HLF: variants seen among roughly 807,000 people sequenced by gnomAD.
HLF encodes hepatic leukemia factor.
In HLF, 3 loss-of-function variants were observed where a neutral mutation model predicts 22.6. The ratio of observed to expected loss-of-function variants is 0.13; its 90% CI spans 0.06 to 0.34. The LOEUF (loss-of-function observed/expected upper bound fraction) is 0.34. Among genes scored for constraint, HLF ranks in the 10% least tolerant of loss-of-function variants. The pLI is 1.00. For missense variants in HLF, 299 were observed against 389.2 expected (o/e 0.77, Z 1.95); for synonymous variants, 151 against 151.8 (o/e 0.99, Z 0.04).
Position 55,265,482 on chromosome 17 carries a change from G to T in HLF, c.-3G>T. On this transcript the variant is annotated 5_prime_UTR_variant, in exon 1 of 4. Transcript: ENST00000226067. The stretch of plus-strand genomic sequence containing the variant: ...TAAGGGGAAAAAATTTGAGTGCATC[G>T]CGATGGAGAAAATGTCCCGACCGCT... 1 of 1,573,360 alleles carries T rather than the reference G, an allele frequency of 6.4e-7. No homozygotes were observed. The highest frequency in any genetic ancestry group is 1.4e-5 in the African/African-American group (1 of 73,452).
chr17:55,303,206 T>C (rs1904382073), intron 2 of HLF, among the ~76,000 whole-genome samples: 1 of 152,162 alleles, frequency 6.6e-6, no homozygotes, highest in African/African-American at 2.4e-5. Flanking sequence ...GCCTGTCCTC[T>C]AGTGTGTAGA....
chr17:55,278,554 T>TG (rs200696924), intron 2 of HLF, among the ~76,000 whole-genome samples: 1,568 of 152,306 alleles, frequency 0.01, 15 homozygotes, highest in Non-Finnish European at 0.017. Flanking sequence ...AAGGTTTGTT[T>TG]GGGGGAAGGA....
At chr17:55,271,463 C>A (rs904824497) in intron 2 of HLF, 2 of 152,198 alleles carry the variant, frequency 1.3e-5, no homozygotes, top group Admixed American at 1.3e-4. Flanking sequence ...ATTTCTAGGT[C>A]TACCCCAAGG....
intron 2 of HLF, among the ~76,000 whole-genome samples, chr17:55,296,627 A>G (rs1455263825): frequency 2.0e-5 from 3 of 152,196 alleles, no homozygotes; most frequent in Non-Finnish European, 2.9e-5. Flanking sequence ...TGATCTGGAT[A>G]TGCTATAATT....
chr17:55,268,470 C>A (rs1277546515), intron 2 of HLF, among the ~76,000 whole-genome samples: 1 of 152,186 alleles, frequency 6.6e-6, no homozygotes, highest in Non-Finnish European at 1.5e-5. Context: ...TCTTGTATCT[C>A]TTTTCCTCAT....
At chr17:55,308,067 T>C (rs1196149930) in intron 2 of HLF, among the ~76,000 whole-genome samples, 2 of 152,086 alleles carry the variant, frequency 1.3e-5, no homozygotes, top group Admixed American at 6.6e-5. Context: ...TGTGGCCAAG[T>C]GTGTGAGTGA....
rs763345433 is a variant in HLF, at chr17:55,265,580, C to T, written c.96C>T (p.Leu32=). Residue 32 remains leucine, a synonymous_variant, in exon 1 of 4, where the codon CTC becomes CTT. Coordinates refer to ENST00000226067, the MANE Select transcript of HLF (RefSeq NM_002126.5). ...CCCTGCTGGAGAACCCGCTGAAGCT[C>T]CCCCTTCACCACGAAGACGGTGAGC... is the stretch of plus-strand genomic sequence containing the variant. The part of the protein sequence containing the change: ...LRSLLENPLK[L]PLHHEDAFSK... 4 of 1,599,892 alleles carry T rather than the reference C, an allele frequency of 2.5e-6. No individual in the cohort carries two copies. The highest frequency in any genetic ancestry group is 2.2e-5 in the South Asian group (2 of 90,052).
At position 55,322,323 on chromosome 17, in the gene HLF, C is replaced by A. The variant is rs1038404454; in HGVS notation, c.*1444C>A. 1.0e-5 allele frequency: 2 copies of A among 192,308 alleles called. No homozygotes were observed. Among genetic ancestry groups the A allele is most frequent in the African/African-American group, 2.3e-5 (1 of 43,006 alleles). 11.9% of individuals were successfully genotyped at this position (192,308 alleles called of 1,614,324 possible). ...TTATACAGAGTAATTATAGGAAGTT[C>A]TTTTTTGTACAGTATTTTTCAGATA... On this transcript the variant is annotated 3_prime_UTR_variant, in exon 4 of 4. Coordinates refer to ENST00000226067, the MANE Select transcript of HLF (RefSeq NM_002126.5).
chr17:55,279,385 C>T (rs559108223), intron 2 of HLF, among the ~76,000 whole-genome samples: 1 of 152,204 alleles, frequency 6.6e-6, no homozygotes, highest in South Asian at 2.1e-4. Context: ...ATTTTATGAT[C>T]ATTTTATCTT....
In HLF at chr17:55,267,949, A is replaced by C; in HGVS notation, c.314A>C (p.Asp105Ala). 6.2e-7 allele frequency: 1 copy of C among 1,614,056 alleles called. No individual in the cohort carries two copies. Among genetic ancestry groups the C allele is most frequent in the Non-Finnish European group, 8.5e-7 (1 of 1,179,990 alleles). The change falls in exon 2 of 4, where the codon GAC (aspartate) becomes GCC (alanine). Residue 105 changes from aspartate (D) to alanine (A), a missense_variant. Coordinates refer to ENST00000226067, the MANE Select transcript of HLF (RefSeq NM_002126.5). ...ATTCCCCCCAGCCCATCTCAGCATG[A>C]CCACAGCCCTCACCCTCCTGGGCTG... ...NGIPPSPSQH[D>A]HSPHPPGLQP... is the part of the protein sequence containing the mutation.
chr17:55,322,624 T>C lies in HLF; in HGVS notation c.*1745T>C, dbSNP rs907756084. On this transcript the variant is annotated 3_prime_UTR_variant, in exon 4 of 4. Transcript: ENST00000226067. ...ACACAAGGAGCTTTCTTGTTTCTTA[T>C]TAGGCCTCAGAAAGAAGTCAGTTAA... is the stretch of plus-strand genomic sequence containing the variant. The C allele has an allele frequency of 4.6e-5, 10 of 216,250 alleles. No individual in the cohort carries two copies. The highest frequency in any genetic ancestry group is 9.3e-5 in the Non-Finnish European group (10 of 106,960). The allele number at this position is 216,250 out of a possible 1,614,324, so 13.4% of individuals were successfully genotyped here. A position where few individuals can be genotyped will look rare whatever the true frequency, so the allele number is the denominator to read the frequency against.
chr17:55,288,797 A>T, intron 2 of HLF: 1 of 332,838 alleles, frequency 3.0e-6, no homozygotes, highest in Non-Finnish European at 4.3e-6. Flanking sequence ...TTCAAGAATG[A>T]AGAGTGTTTT....
rs370981067 is a variant in HLF, at chr17:55,268,000, C to T, written c.365C>T (p.Ser122Leu). ...GLQPASSAAP[S>L]VMDLSSRASA... ...CAGCCAGCTTCCTCGGCTGCCCCCT[C>T]GGTCATGGACCTCAGCAGCCGGGCC... is the stretch of plus-strand genomic sequence containing the variant. Residue 122 changes from serine (S) to leucine (L), a missense_variant, in exon 2 of 4, where the codon TCG (serine) becomes TTG (leucine). Ser to Leu is a moderately radical substitution (Grantham distance 145). Around this residue, in one of 3 missense-constraint regions of HLF, gnomAD observed 224 missense variants for 298.1 expected, o/e 0.75. Coordinates refer to ENST00000226067, the MANE Select transcript of HLF (RefSeq NM_002126.5). The T allele has an allele frequency of 5.6e-6, 9 of 1,613,538 alleles. No individual in the cohort carries two copies. The highest frequency in any genetic ancestry group is 1.7e-5 in the Admixed American group (1 of 59,962).
intron 2 of HLF, among the ~76,000 whole-genome samples, chr17:55,305,897 T>C (rs1443476779): frequency 6.6e-6 from 1 of 152,238 alleles, no homozygotes; most frequent in Non-Finnish European, 1.5e-5. Flanking sequence ...GTCTCTGTTT[T>C]TCCATCTGCG....
chr17:55,275,944 A>T (rs948824814), intron 2 of HLF, among the ~76,000 whole-genome samples: 6 of 152,106 alleles, frequency 3.9e-5, no homozygotes, highest in African/African-American at 1.4e-4. Context: ...TCTACAAAAT[A>T]TTTTTTTAAA....
intron 2 of HLF, among the ~76,000 whole-genome samples, chr17:55,277,021 A>G (rs535564155): frequency 2.2e-4 from 33 of 152,330 alleles, no homozygotes; most frequent in African/African-American, 7.2e-4. Context: ...TATAAAACCC[A>G]TAATTTTGGT....
At chr17:55,308,207 G>A (rs1057288360) in intron 2 of HLF, among the ~76,000 whole-genome samples, 5 of 152,218 alleles carry the variant, frequency 3.3e-5, no homozygotes, top group Non-Finnish European at 5.9e-5. Flanking sequence ...GTGGGAGATA[G>A]AAAAGGGATA....
intron 2 of HLF, among the ~76,000 whole-genome samples, chr17:55,270,736 C>T (rs1375930654): frequency 6.8e-6 from 1 of 146,464 alleles, no homozygotes; most frequent in South Asian, 2.1e-4. Flanking sequence ...TCTCAGCTCA[C>T]TGCAAGCTCC....
At chr17:55,286,485 C>T (rs943578239) in intron 2 of HLF, among the ~76,000 whole-genome samples, 2 of 152,036 alleles carry the variant, frequency 1.3e-5, no homozygotes, top group African/African-American at 4.8e-5. Context: ...TCCCTCAGCT[C>T]CTCTATTGTC....
Sources: gnomAD v4.1 joint callset for allele counts (sites outside exome capture counted in the v4.1 genomes callset) on GRCh38, gnomAD v4.1.1 for gene constraint, gnomAD v4.1.1 regional missense constraint, MANE v1.5 for transcripts, NCBI Gene and HGNC (gene_info 2026-07-23, HGNC 2026-07-21) for gene names.